MYO6: variants seen among roughly 807,000 people sequenced by gnomAD.
The protein encoded by MYO6 is myosin VI.
In MYO6, 74 loss-of-function variants were observed where a neutral mutation model predicts 178.7. The ratio of observed to expected loss-of-function variants is 0.41; its 90% CI spans 0.34 to 0.50. The LOEUF (loss-of-function observed/expected upper bound fraction) is 0.50, where lower values mean the gene tolerates loss of function less well. Among genes scored for constraint, MYO6 ranks in the 20% least tolerant of loss-of-function variants. The pLI is 0.09. For missense variants in MYO6, 1,330 were observed against 1,547.4 expected (o/e 0.86, Z 2.36); for synonymous variants, 477 against 504.6 (o/e 0.95, Z 0.73).
In MYO6 at chr6:75,830,484, A is replaced by G. The variant is rs1772969201; in HGVS notation, c.330A>G (p.Glu110=). ...YFDIPKIYSS[E]AIKSYQGKSL... is the part of the protein sequence containing the mutation. The stretch of plus-strand genomic sequence containing the variant: ...ACATACCTAAAATATATTCTTCAGA[A>G]GCAATAAAGTCATATCAAGGAAAAT... The change falls in exon 5 of 35, where the codon GAA becomes GAG. Residue 110 remains glutamate (E), a synonymous_variant. Transcript: ENST00000369977. 6.2e-7 allele frequency: 1 copy of G among 1,612,250 alleles called. No individual in the cohort carries two copies. Among genetic ancestry groups the G allele is most frequent in the South Asian group, 1.1e-5 (1 of 91,012 alleles).
At chr6:75,809,376 G>A (rs571248527) in intron 1 of MYO6, among the ~76,000 whole-genome samples, 20 of 152,260 alleles carry the variant, frequency 1.3e-4, no homozygotes, top group Middle Eastern at 3.4e-3. Flanking sequence ...GACTTAACAG[G>A]ATTTTTGCTG....
At chr6:75,875,254 T>C (rs532788846) in intron 20 of MYO6, among the ~76,000 whole-genome samples, 1 of 152,326 alleles carries the variant, frequency 6.6e-6, no homozygotes, top group East Asian at 1.9e-4. Flanking sequence ...GTTACTAAAT[T>C]TTAAATTTTG....
At chr6:75,840,552 A>G (rs1774118407) in intron 7 of MYO6, 33 bp from the exon 8 acceptor site, 2 of 1,421,254 alleles carry the variant, frequency 1.4e-6, no homozygotes, top group Non-Finnish European at 2.0e-6. Flanking sequence ...CCGTCATGCT[A>G]ATTTTTTGAT....
At chr6:75,780,557 A>C (rs1766867578) in intron 1 of MYO6, among the ~76,000 whole-genome samples, 2 of 152,258 alleles carry the variant, frequency 1.3e-5, no homozygotes, top group Non-Finnish European at 2.9e-5. Flanking sequence ...AGTTTTGTGA[A>C]GATAAACTAA....
chr6:75,825,862 AT>A (rs1387190611), intron 3 of MYO6, among the ~76,000 whole-genome samples: 1 of 152,156 alleles, frequency 6.6e-6, no homozygotes, highest in East Asian at 1.9e-4. Flanking sequence ...TATGTTATAT[AT>A]TTATTTATTA....
chr6:75,898,726 T>A (rs1380073199), intron 30 of MYO6, among the ~76,000 whole-genome samples: 1 of 152,152 alleles, frequency 6.6e-6, no homozygotes, highest in African/African-American at 2.4e-5. Flanking sequence ...CTTCCCCTCA[T>A]CATGACAAAA....
intron 16 of MYO6, among the ~76,000 whole-genome samples, chr6:75,863,638 A>G (rs564637410): frequency 6.6e-6 from 1 of 151,930 alleles, no homozygotes; most frequent in Non-Finnish European, 1.5e-5. Flanking sequence ...GGCATGCACC[A>G]CCACGCCCGG....
intron 20 of MYO6, among the ~76,000 whole-genome samples, chr6:75,877,214 C>T (rs182482962): frequency 4.1e-4 from 63 of 152,046 alleles, no homozygotes; most frequent in African/African-American, 1.5e-3. Context: ...CTCAGGTGAT[C>T]CGCCTGCCTC....
intron 1 of MYO6, among the ~76,000 whole-genome samples, chr6:75,809,481 G>A (rs184724583): frequency 2.0e-5 from 3 of 152,286 alleles, no homozygotes; most frequent in Non-Finnish European, 2.9e-5. Context: ...ACTATGGCCC[G>A]ATGAACAGTC....
chr6:75,856,371 G>A (rs999735408), intron 12 of MYO6, among the ~76,000 whole-genome samples: 2 of 152,048 alleles, frequency 1.3e-5, no homozygotes, highest in African/African-American at 4.8e-5. Context: ...GAAACTTCAA[G>A]AAAGGGTTCC....
chr6:75,876,187 AG>A (rs1777555619), intron 20 of MYO6, among the ~76,000 whole-genome samples: 1 of 152,124 alleles, frequency 6.6e-6, no homozygotes, highest in Non-Finnish European at 1.5e-5. Context: ...CCTGACATGG[AG>A]GGGAGCCTGA....
At chr6:75,876,112 C>T (rs901734243) in intron 20 of MYO6, among the ~76,000 whole-genome samples, 13 of 152,074 alleles carry the variant, frequency 8.5e-5, no homozygotes, top group African/African-American at 2.7e-4. Context: ...TCTTGCTATA[C>T]TTTTTCCTTT....
chr6:75,804,357 T>C (rs1769782597), intron 1 of MYO6, among the ~76,000 whole-genome samples: 1 of 152,170 alleles, frequency 6.6e-6, no homozygotes, highest in South Asian at 2.1e-4. Context: ...AGCCTTAGGA[T>C]ACACTGATAG....
chr6:75,878,006 A>G (rs1198852329), intron 20 of MYO6, among the ~76,000 whole-genome samples: 1 of 152,192 alleles, frequency 6.6e-6, no homozygotes, highest in Non-Finnish European at 1.5e-5. Flanking sequence ...GATACTAACC[A>G]AACTTTACTT....
At chr6:75,817,713 T>C in intron 2 of MYO6, 49 bp downstream of exon 2, 2 of 1,540,132 alleles carry the variant, frequency 1.3e-6, no homozygotes, top group African/African-American at 1.4e-5. Context: ...CAAAAATAGG[T>C]GTTTTTTTTC....
intron 7 of MYO6, among the ~76,000 whole-genome samples, chr6:75,840,159 ATT>A (rs71002767): frequency 9.1e-5 from 12 of 131,838 alleles, no homozygotes; most frequent in Non-Finnish European, 9.5e-5. Context: ...CTTCATGTTA[ATT>A]TTTTTTTTTT....
chr6:75,787,018 C>G (rs1030765403), intron 1 of MYO6, among the ~76,000 whole-genome samples: 2 of 152,218 alleles, frequency 1.3e-5, no homozygotes, highest in Non-Finnish European at 2.9e-5. Context: ...GTGCTTTAGT[C>G]TCACGTCATC....
At chr6:75,749,756 T>A (rs1776688538) in intron 1 of MYO6, among the ~76,000 whole-genome samples, 3 of 152,212 alleles carry the variant, frequency 2.0e-5, no homozygotes, top group African/African-American at 7.2e-5. Flanking sequence ...TTTTATTTTC[T>A]CTTTTGTAAA....
intron 3 of MYO6, among the ~76,000 whole-genome samples, chr6:75,825,486 G>A (rs1393239600): frequency 6.6e-6 from 1 of 152,108 alleles, no homozygotes; most frequent in African/African-American, 2.4e-5. Context: ...CCAACTACTT[G>A]GGAGGCCGAG....
Sources: allele counts gnomAD v4.1 joint callset (sites outside exome capture counted in the v4.1 genomes callset), GRCh38; gene constraint gnomAD v4.1.1; transcripts MANE v1.5; gene names NCBI Gene and HGNC (gene_info 2026-07-23, HGNC 2026-07-21).